The following ACACB variants were observed in gnomAD, a reference collection of about 807,000 sequenced individuals.
ACACB encodes acetyl-CoA carboxylase 2.
In ACACB, 209 loss-of-function variants were observed where a neutral mutation model predicts 278.8. The observed-to-expected ratio is 0.75, with a 90% confidence interval of 0.67 to 0.84. The LOEUF (loss-of-function observed/expected upper bound fraction) is 0.84, where lower values mean the gene tolerates loss of function less well. ACACB is among the 40% of genes least tolerant of loss of function. The pLI, the probability that ACACB is intolerant of heterozygous loss-of-function variation, is 0.00. For synonymous variants in ACACB, 1,174 were observed against 1,285.6 expected (o/e 0.91, Z 1.86); for missense variants, 2,850 against 3,269.0 (o/e 0.87, Z 3.13).
chr12:109,133,349 G>C (rs2042880705), intron 1 of ACACB, among the ~76,000 whole-genome samples: 1 of 151,844 alleles, frequency 6.6e-6, no homozygotes. Context: ...TCCTGCCTCA[G>C]CCTCCTGAGT....
chr12:109,260,664 G>A lies in ACACB; in HGVS notation c.6674+7G>A, dbSNP rs1273428369. ...ATGCAGACAAAGAGAGCAGGTGGGT[G>A]TGTTGCCCTTAGCCTGGCTTAGCCT... On this transcript the variant is annotated splice_region_variant and intron_variant, in intron 48 of 52. Transcript: ENST00000338432. 6.5e-6 allele frequency: 10 copies of A among 1,550,182 alleles called. No homozygotes were observed. Among genetic ancestry groups the A allele is most frequent in the Non-Finnish European group, 8.7e-6 (10 of 1,149,336 alleles).
At chr12:109,144,413 G>T (rs953996983) in intron 2 of ACACB, among the ~76,000 whole-genome samples, 20 of 152,160 alleles carry the variant, frequency 1.3e-4, no homozygotes, top group Non-Finnish European at 2.9e-5. Flanking sequence ...GTAGCCTGGT[G>T]TTTGCTGGTT....
At chr12:109,235,676 T>G in intron 33 of ACACB, 29 bp downstream of exon 33, 3 of 1,589,934 alleles carry the variant, frequency 1.9e-6, no homozygotes, top group Non-Finnish European at 2.6e-6. Context: ...ATGTTTTCTC[T>G]TCTCTAGCAT....
At position 109,201,218 on chromosome 12, in the gene ACACB, G is replaced by A. The variant is rs555271039; in HGVS notation, c.2779-349G>A. Among the ~76,000 whole-genome samples, 10 of 152,294 alleles carry A rather than the reference G, an allele frequency of 6.6e-5. No homozygotes were observed. In the South Asian group the frequency reaches 1.7e-3, roughly 25 times the overall value. ...ACAAAATGTTTGATTTATGCAGTAC[G>A]TTTTAGGAACGTGTATATGAACCAC... On this transcript the variant is annotated intron_variant, in intron 18 of 52. Coordinates refer to ENST00000338432, the MANE Select transcript of ACACB (RefSeq NM_001093.4).
intron 1 of ACACB, among the ~76,000 whole-genome samples, chr12:109,119,665 G>A (rs1389202707): frequency 6.6e-6 from 1 of 151,880 alleles, no homozygotes; most frequent in Non-Finnish European, 1.5e-5. Flanking sequence ...GGGAGGCTGA[G>A]GCAGGCAGAT....
chr12:109,234,887 C>T (rs556630759), intron 31 of ACACB, among the ~76,000 whole-genome samples: 38 of 151,714 alleles, frequency 2.5e-4, no homozygotes, highest in Admixed American at 1.4e-3. Flanking sequence ...GTGTAACAAG[C>T]CTGCACGTTC....
At chr12:109,133,874 T>A (rs1356364358) in intron 1 of ACACB, among the ~76,000 whole-genome samples, 2 of 83,066 alleles carry the variant, frequency 2.4e-5, no homozygotes, top group African/African-American at 7.3e-5. Context: ...TTTTTTTTTT[T>A]TTTTTTTTCA....
chr12:109,178,720 A>G (rs555905160), intron 9 of ACACB, among the ~76,000 whole-genome samples: 1 of 152,352 alleles, frequency 6.6e-6, no homozygotes, highest in South Asian at 2.1e-4. Flanking sequence ...GCAGCACAGC[A>G]GAGAAGGATC....
chr12:109,243,067 TA>T (rs1215509277), intron 37 of ACACB, among the ~76,000 whole-genome samples: 1 of 152,218 alleles, frequency 6.6e-6, no homozygotes, highest in African/African-American at 2.4e-5. Context: ...ATCCCAATGA[TA>T]AAAGTCATAG....
chr12:109,210,016 C>T (rs201808814), intron 21 of ACACB, among the ~76,000 whole-genome samples: 1 of 116,188 alleles, frequency 8.6e-6, no homozygotes, highest in African/African-American at 3.8e-5. Context: ...TGTATATATA[C>T]ACACGTGTGT....
intron 48 of ACACB, among the ~76,000 whole-genome samples, chr12:109,261,639 G>A (rs1342398893): frequency 6.6e-6 from 1 of 152,030 alleles, no homozygotes; most frequent in Non-Finnish European, 1.5e-5. Flanking sequence ...GGGAGGCTAA[G>A]GGGGGCAGAT....
At chr12:109,161,446 G>A (rs1392089754) in intron 2 of ACACB, among the ~76,000 whole-genome samples, 1 of 152,120 alleles carries the variant, frequency 6.6e-6, no homozygotes, top group Non-Finnish European at 1.5e-5. Context: ...GGGAGGCTGA[G>A]GGAGGAAAAT....
intron 35 of ACACB, 111 bp from the exon 36 acceptor site, chr12:109,240,967 C>A: frequency 1.0e-6 from 1 of 995,308 alleles, no homozygotes; most frequent in Non-Finnish European, 1.5e-6. Context: ...ACACTATGTC[C>A]CAGGCGTTTT....
chr12:109,142,147 G>A (rs2043138176), intron 2 of ACACB, among the ~76,000 whole-genome samples: 1 of 152,046 alleles, frequency 6.6e-6, no homozygotes, highest in Admixed American at 6.6e-5. Context: ...TACTTGAGAG[G>A]CTGAAGCAGG....
rs555646764 is a variant in ACACB, at chr12:109,180,082, C to T, written c.1813C>T (p.Leu605=). The T allele has an allele frequency of 6.2e-7, 1 of 1,610,096 alleles. No homozygotes were observed. Among genetic ancestry groups the T allele is most frequent in the Admixed American group, 1.7e-5 (1 of 59,990 alleles). ...TGATGTTAATCTGCCGGCCGCCCAG[C>T]TACAGGTGAGAAAATGGGCTTGGGG... ...IADVNLPAAQ[L]QIAMGVPLHR... is the part of the protein sequence containing the mutation. The change falls in exon 11 of 53, where the codon CTA becomes TTA. Residue 605 remains leucine (L), a synonymous_variant. Coordinates refer to ENST00000338432, the MANE Select transcript of ACACB (RefSeq NM_001093.4).
At chr12:109,246,628 G>T (rs576473149) in intron 39 of ACACB, among the ~76,000 whole-genome samples, 180 bp downstream of exon 39, 2 of 152,142 alleles carry the variant, frequency 1.3e-5, no homozygotes, top group Admixed American at 6.5e-5. Flanking sequence ...ACTGTGGCGG[G>T]GGGGATGGTG....
intron 1 of ACACB, among the ~76,000 whole-genome samples, chr12:109,136,233 G>C (rs1414478202): frequency 6.6e-6 from 1 of 152,156 alleles, no homozygotes; most frequent in South Asian, 2.1e-4. Flanking sequence ...ATACCATGCT[G>C]TTTTGTTTAC....
chr12:109,162,807 C>T (rs1253592081), intron 2 of ACACB, among the ~76,000 whole-genome samples: 1 of 152,184 alleles, frequency 6.6e-6, no homozygotes, highest in Non-Finnish European at 1.5e-5. Flanking sequence ...CGCACTCCTA[C>T]CTCACCCTAC....
chr12:109,233,694 T>G, intron 29 of ACACB, 54 bp from the exon 30 acceptor site: 1 of 1,495,366 alleles, frequency 6.7e-7, no homozygotes, highest in Middle Eastern at 1.7e-4. Context: ...AAGCTTGACC[T>G]CATCCCCATG....
Sources: allele counts gnomAD v4.1 joint callset (sites outside exome capture counted in the v4.1 genomes callset), GRCh38; gene constraint gnomAD v4.1.1; transcripts MANE v1.5; gene names NCBI Gene and HGNC (gene_info 2026-07-23, HGNC 2026-07-21).